The following MFSD6 variants were observed in gnomAD, a reference collection of about 807,000 sequenced individuals.
The protein encoded by MFSD6 is major facilitator superfamily domain containing 6, also known as major facilitator superfamily domain-containing protein 6.
A neutral mutation model predicts 56.3 loss-of-function variants in MFSD6; 26 were observed. The ratio of observed to expected loss-of-function variants is 0.46; its 90% CI spans 0.34 to 0.64. MFSD6 has a LOEUF of 0.64. Among genes scored for constraint, MFSD6 ranks in the 30% least tolerant of loss-of-function variants. MFSD6 has a pLI of 0.01. For synonymous variants in MFSD6, 331 were observed against 366.9 expected (o/e 0.90, Z 1.12); for missense variants, 750 against 986.2 (o/e 0.76, Z 3.21).
At position 190,439,047 on chromosome 2, in the gene MFSD6, C is replaced by A. The variant is rs917949569; in HGVS notation, c.1532+1486C>A. On this transcript the variant is annotated intron_variant, in intron 3 of 7. Transcript: ENST00000392328. The surrounding 1 kb of genome is among the most constrained non-coding windows in gnomAD (Gnocchi z 5.8). ...CTGAGGCACATTTTGTAAGACCATT[C>A]TGAAAGAGAGCCCACATAATATTAA... 6.6e-6 allele frequency among the ~76,000 whole-genome samples: 1 copy of A among 151,994 alleles called. No individual in the cohort carries two copies. Among genetic ancestry groups the A allele is most frequent in the African/African-American group, 2.4e-5 (1 of 41,378 alleles).
Position 190,410,917 on chromosome 2 carries a change from G to A in MFSD6, c.-176+2414G>A, listed in dbSNP as rs374253908. 1.4e-4 allele frequency among the ~76,000 whole-genome samples: 22 copies of A among 151,892 alleles called. No homozygotes were observed. The highest frequency in any genetic ancestry group is 2.0e-4 in the East Asian group (1 of 5,084). ...ATAAAAATACAAAAATTAGCTGAGC[G>A]TGGTGGCGGGCGCCTGGAATCCCAG... On this transcript the variant is annotated intron_variant, in intron 1 of 7. Transcript: ENST00000392328. The surrounding 1 kb of genome is among the most constrained non-coding windows in gnomAD (Gnocchi z 4.4).
chr2:190,441,505 G>T (rs1322954712), intron 3 of MFSD6, among the ~76,000 whole-genome samples: 3 of 151,986 alleles, frequency 2.0e-5, no homozygotes, highest in Non-Finnish European at 2.9e-5. Context: ...GGAAAGCAGG[G>T]CATTTATATT....
chr2:190,500,320 G>T lies in MFSD6; in HGVS notation c.*102G>T, dbSNP rs1689967543. 5 of 1,181,932 alleles carry T rather than the reference G, an allele frequency of 4.2e-6. No individual in the cohort carries two copies. In the South Asian group the frequency reaches 6.8e-5, roughly 16 times the overall value. The allele number at this position is 1,181,932 out of a possible 1,614,324, so 73.2% of individuals were successfully genotyped here. A position where few individuals can be genotyped will look rare whatever the true frequency, so the allele number is the denominator to read the frequency against. Reference sequence around the variant, plus strand: ...GATATGCCTCCCCTGGAGGAGCACAGCACTGCATATGCTTCTAAATATCTA... The same window carrying T: ...GATATGCCTCCCCTGGAGGAGCACATCACTGCATATGCTTCTAAATATCTA... On this transcript the variant is annotated 3_prime_UTR_variant, in exon 8 of 8. Transcript: ENST00000392328. The surrounding 1 kb of genome is among the most constrained non-coding windows in gnomAD (Gnocchi z 5.3).
Position 190,502,042 on chromosome 2 carries a change from T to C in MFSD6, c.*1824T>C, listed in dbSNP as rs987610289. ...AGCCTGCTGTTTTGGAAATGCACAG[T>C]TGACATGTTGAAATAAAAATGAATA... On this transcript the variant is annotated 3_prime_UTR_variant, in exon 8 of 8. Transcript: ENST00000392328. The surrounding 1 kb of genome is among the most constrained non-coding windows in gnomAD (Gnocchi z 4.4). 22 of 152,640 alleles carry C rather than the reference T, an allele frequency of 1.4e-4. No homozygotes were observed. Among genetic ancestry groups the C allele is most frequent in the Non-Finnish European group, 2.2e-4 (15 of 68,038 alleles). The allele number at this position is 152,640 out of a possible 1,614,324, so 9.5% of individuals were successfully genotyped here.
At position 190,462,514 on chromosome 2, in the gene MFSD6, C is replaced by G. The variant is rs767766698; in HGVS notation, c.1533-7244C>G. Among the ~76,000 whole-genome samples the G allele has an allele frequency of 2.0e-5, 3 of 152,138 alleles. No homozygotes were observed. The highest frequency in any genetic ancestry group is 4.4e-5 in the Non-Finnish European group (3 of 68,020). On this transcript the variant is annotated intron_variant, in intron 3 of 7. Coordinates refer to ENST00000392328, the MANE Select transcript of MFSD6 (RefSeq NM_017694.4). The surrounding 1 kb of genome is among the most constrained non-coding windows in gnomAD (Gnocchi z 5.7). ...AATGATGTTATGGATTCATGGAGTGCCTGAGCAAGGCAGGCTCTTTTTGAG... is the reference window on the plus strand; with the variant it reads ...AATGATGTTATGGATTCATGGAGTGGCTGAGCAAGGCAGGCTCTTTTTGAG...
In MFSD6 at chr2:190,500,131, G is replaced by A. The variant is rs745489913; in HGVS notation, c.2289G>A (p.Thr763=). ...QPSPDAAASQ[T]QTSPAHPSVD... ...CCCCTGACGCAGCAGCATCTCAGAC[G>A]CAGACCAGCCCCGCTCACCCCAGTG... Residue 763 remains threonine, a synonymous_variant, in exon 8 of 8, where the codon ACG becomes ACA. Coordinates refer to ENST00000392328, the MANE Select transcript of MFSD6 (RefSeq NM_017694.4). The surrounding 1 kb of genome is among the most constrained non-coding windows in gnomAD (Gnocchi z 5.3). The A allele has an allele frequency of 3.0e-5, 48 of 1,613,976 alleles. No individual in the cohort carries two copies. The South Asian group carries it at 3.7e-4, about 13-fold the overall frequency.
At chr2:190,470,911 A>G (rs1687884835) in intron 4 of MFSD6, among the ~76,000 whole-genome samples, 2 of 152,024 alleles carry the variant, frequency 1.3e-5, no homozygotes, top group Admixed American at 6.5e-5. Flanking sequence ...AAGTATATAT[A>G]TATATACTTT....
Position 190,437,289 on chromosome 2 carries a change from T to G in MFSD6, c.1260T>G (p.Ser420=). 6.2e-7 allele frequency: 1 copy of G among 1,614,218 alleles called. No homozygotes were observed. Among genetic ancestry groups the G allele is most frequent in the South Asian group, 1.1e-5 (1 of 91,088 alleles). The change falls in exon 3 of 8, where the codon TCT becomes TCG. Residue 420 remains serine, a synonymous_variant. Transcript: ENST00000392328. The surrounding 1 kb of genome is among the most constrained non-coding windows in gnomAD (Gnocchi z 5.9). ...AAAGGAACAACTCTACAGAGTCCTC[T>G]GAGGAGACACCAACCACCACAAGCC... ...QVERNNSTES[S]EETPTTTSHS... is the part of the protein sequence containing the mutation.
At position 190,443,274 on chromosome 2, in the gene MFSD6, G is replaced by T. The variant is rs1355141321; in HGVS notation, c.1532+5713G>T. On this transcript the variant is annotated intron_variant, in intron 3 of 7. Coordinates refer to ENST00000392328, the MANE Select transcript of MFSD6 (RefSeq NM_017694.4). This position sits in a 1 kb window ranked among gnomAD's most constrained non-coding sequence, Gnocchi z 4.2. The stretch of plus-strand genomic sequence containing the variant: ...GTCAGATTGCCTGGCTCTGCAACTT[G>T]GAACTATATGGCCTTGGACAAGTTA... Among the ~76,000 whole-genome samples, 1 of 152,156 alleles carries T rather than the reference G, an allele frequency of 6.6e-6. No individual in the cohort carries two copies. Among genetic ancestry groups the T allele is most frequent in the African/African-American group, 2.4e-5 (1 of 41,430 alleles).
In MFSD6 at chr2:190,488,642, C is replaced by A. The variant is rs757085351; in HGVS notation, c.1631-15C>A. 22 of 1,486,058 alleles carry A rather than the reference C, an allele frequency of 1.5e-5. No individual in the cohort carries two copies. The South Asian group carries it at 3.1e-4, about 21-fold the overall frequency. 92.1% of individuals were successfully genotyped at this position (1,486,058 alleles called of 1,614,324 possible). ...TGCTAACCAACTAATCCCTCCTGCT[C>A]TTCTTCCTCTCCAGGAGTGACACAC... On this transcript the variant is annotated splice_polypyrimidine_tract_variant and intron_variant, in intron 4 of 7. Transcript: ENST00000392328. The surrounding 1 kb of genome is among the most constrained non-coding windows in gnomAD (Gnocchi z 6.4).
chr2:190,422,904 A>G (rs566838883), intron 2 of MFSD6, among the ~76,000 whole-genome samples: 13 of 148,592 alleles, frequency 8.7e-5, no homozygotes, highest in Non-Finnish European at 1.6e-4. Context: ...TTTTCTTCAT[A>G]TTAAGTTCTT....
intron 3 of MFSD6, among the ~76,000 whole-genome samples, chr2:190,453,454 C>T (rs563381953): frequency 2.6e-5 from 4 of 152,176 alleles, no homozygotes; most frequent in African/African-American, 9.7e-5. Context: ...GCTCCATCTT[C>T]CTCCTCTCTA....
chr2:190,429,358 C>T (rs930682727), intron 2 of MFSD6, among the ~76,000 whole-genome samples: 24 of 150,924 alleles, frequency 1.6e-4, no homozygotes, highest in Admixed American at 6.0e-4. Context: ...TGGAGTCTCA[C>T]TCTGTCGCCC....
chr2:190,468,068 T>C (rs1430262751), intron 3 of MFSD6, among the ~76,000 whole-genome samples: 2 of 152,238 alleles, frequency 1.3e-5, no homozygotes, highest in African/African-American at 4.8e-5. Flanking sequence ...AACTTGTGTG[T>C]TCATGTAGTA....
rs989182960 is a variant in MFSD6 at position 190,416,396 on chromosome 2, A to G, written c.-54+983A>G. On this transcript the variant is annotated intron_variant, in intron 2 of 7. Coordinates refer to ENST00000392328, the MANE Select transcript of MFSD6 (RefSeq NM_017694.4). This position sits in a 1 kb window ranked among gnomAD's most constrained non-coding sequence, Gnocchi z 4.1. Reference sequence around the variant, plus strand: ...CTTTCAGATTTATGATGTTACAAATATAAGTAAAATGTTTCTACAGAATAT... The same window carrying G: ...CTTTCAGATTTATGATGTTACAAATGTAAGTAAAATGTTTCTACAGAATAT... 1.3e-5 allele frequency among the ~76,000 whole-genome samples: 2 copies of G among 152,272 alleles called. No individual in the cohort carries two copies. The highest frequency in any genetic ancestry group is 2.4e-5 in the African/African-American group (1 of 41,476).
At chr2:190,445,244 C>T (rs1372036405) in intron 3 of MFSD6, among the ~76,000 whole-genome samples, 1 of 152,100 alleles carries the variant, frequency 6.6e-6, no homozygotes, top group African/African-American at 2.4e-5. Flanking sequence ...TGGAGTCAGG[C>T]AGATAGCAAA....
rs1226341091 is a variant in MFSD6 at position 190,436,077 on chromosome 2, G to C, written c.48G>C (p.Gln16His). Reference sequence around the variant, plus strand: ...TCTTAACGGATGATGAAGAGGAACAGAAGAGAAAGTATGTGCTTGCAGATC... The same window carrying C: ...TCTTAACGGATGATGAAGAGGAACACAAGAGAAAGTATGTGCTTGCAGATC... ...VAILTDDEEE[Q>H]KRKYVLADPF... The change falls in exon 3 of 8, where the codon CAG becomes CAC. Residue 16 changes from glutamine (Q) to histidine (H), a missense_variant. Physicochemically the swap from Gln to His is conservative, Grantham distance 24 (BLOSUM62 0). Transcript: ENST00000392328. The surrounding 1 kb of genome is among the most constrained non-coding windows in gnomAD (Gnocchi z 5.3). 1 of 1,614,092 alleles carries C rather than the reference G, an allele frequency of 6.2e-7. No homozygotes were observed.
At position 190,417,163 on chromosome 2, in the gene MFSD6, T is replaced by C. The variant is rs139315603; in HGVS notation, c.-54+1750T>C. Among the ~76,000 whole-genome samples, 49 of 152,326 alleles carry C rather than the reference T, an allele frequency of 3.2e-4. No homozygotes were observed. In the East Asian group the frequency reaches 8.1e-3, roughly 25 times the overall value. On this transcript the variant is annotated intron_variant, in intron 2 of 7. Coordinates refer to ENST00000392328, the MANE Select transcript of MFSD6 (RefSeq NM_017694.4). This position sits in a 1 kb window ranked among gnomAD's most constrained non-coding sequence, Gnocchi z 5.7. ...TGAGGAAAATGTTTCAAGTGTATTC[T>C]ATTTCCAGATGTTATGAAAGGTCCC...
At chr2:190,408,003 C>T (rs1690370694), upstream of MFSD6, among the ~76,000 whole-genome samples, 1 of 152,182 alleles carries the variant, frequency 6.6e-6, no homozygotes, top group Non-Finnish European at 1.5e-5. Context: ...GGGATGGAGC[C>T]TCGCCCAGTG....
Sources: gnomAD v4.1 joint callset for allele counts (sites outside exome capture counted in the v4.1 genomes callset) on GRCh38, gnomAD v4.1.1 for gene constraint, Gnocchi (gnomAD v3.1) non-coding constraint, MANE v1.5 for transcripts, NCBI Gene and HGNC (gene_info 2026-07-23, HGNC 2026-07-21) for gene names.